Variants in USP15 observed in about 807,000 individuals in gnomAD.
USP15 encodes the protein ubiquitin carboxyl-terminal hydrolase 15.
USP15 carries 18 observed loss-of-function variants against 127.1 expected under a neutral mutation model. The observed-to-expected ratio is 0.14, with a 90% confidence interval of 0.10 to 0.21. The LOEUF is 0.21. Ranked by LOEUF, USP15 falls within the 10% of genes least tolerant of loss-of-function variation. The pLI is 1.00. For missense variants in USP15, 805 were observed against 1,159.9 expected, an observed-to-expected ratio of 0.69 and a Z score of 4.44; for synonymous variants, 364 against 393.7, an observed-to-expected ratio of 0.92 and a Z score of 0.89.
intron 2 of USP15, 139 bp from the exon 3 acceptor site, chr12:62,302,651 C>T: frequency 1.2e-6 from 1 of 805,966 alleles, no homozygotes; most frequent in Non-Finnish European, 1.8e-6. Flanking sequence ...AATTGGACAC[C>T]CCTGATGTAA....
chr12:62,357,294 A>C (rs1015468704), intron 8 of USP15, among the ~76,000 whole-genome samples: 3 of 152,056 alleles, frequency 2.0e-5, no homozygotes, highest in African/African-American at 7.2e-5. Context: ...GGTTAACTGC[A>C]ATTTCTCAGA....
At chr12:62,380,185 T>C (rs1001476617) in intron 8 of USP15, among the ~76,000 whole-genome samples, 10 of 151,894 alleles carry the variant, frequency 6.6e-5, no homozygotes, top group Non-Finnish European at 1.2e-4. Context: ...CCTTTTGCCT[T>C]GAGGTAGGGG....
chr12:62,262,462 G>A (rs774972510), intron 1 of USP15, among the ~76,000 whole-genome samples: 11 of 152,020 alleles, frequency 7.2e-5, no homozygotes, highest in Non-Finnish European at 1.0e-4. Flanking sequence ...AAATCTGTAA[G>A]TCTATAAGTT....
Position 62,327,563 on chromosome 12 carries a change from C to A in USP15, c.683+1630C>A, listed in dbSNP as rs968782976. 2.1e-5 allele frequency: 8 copies of A among 378,378 alleles called. 1 individual carries two copies. The highest frequency in any genetic ancestry group is 5.7e-5 in the South Asian group (3 of 52,546). 23.4% of individuals were successfully genotyped at this position (378,378 alleles called of 1,614,324 possible). On this transcript the variant is annotated intron_variant, in intron 6 of 21. Transcript: ENST00000280377. ...GTTTGTGGATTAATATTAAAAAAAA[C>A]CCATGAGTTCTAAAGATTGAGAAAT...
intron 6 of USP15, among the ~76,000 whole-genome samples, chr12:62,333,303 A>G (rs2065359032): frequency 6.6e-6 from 1 of 152,108 alleles, no homozygotes; most frequent in Admixed American, 6.6e-5. Flanking sequence ...CCTCACTCTC[A>G]TTACCCAGGC....
rs538681065 is a variant in USP15, at chr12:62,388,433, C to T, written c.1474-998C>T. ...CAGGCGTGAGCCACTGGGCCCAGCCCAATGAAGATTTTAAATAGTTATTGA... is the reference window on the plus strand; with the variant it reads ...CAGGCGTGAGCCACTGGGCCCAGCCTAATGAAGATTTTAAATAGTTATTGA... On this transcript the variant is annotated intron_variant, in intron 11 of 21. Transcript: ENST00000280377. 3.3e-5 allele frequency among the ~76,000 whole-genome samples: 5 copies of T among 152,206 alleles called. No homozygotes were observed. The East Asian group carries it at 7.7e-4, about 24-fold the overall frequency.
rs529158767 is a variant in USP15, at chr12:62,411,238, T to A, written c.*6863T>A. 5.3e-5 allele frequency: 8 copies of A among 152,354 alleles called. No individual in the cohort carries two copies. Among genetic ancestry groups the A allele is most frequent in the African/African-American group, 1.9e-4 (8 of 41,574 alleles). 9.4% of individuals were successfully genotyped at this position (152,354 alleles called of 1,614,324 possible). On this transcript the variant is annotated 3_prime_UTR_variant, in exon 22 of 22. Coordinates refer to ENST00000280377, the MANE Select transcript of USP15 (RefSeq NM_001252078.2). ...CAAAGTCTGGAGACAACTCAGATAG[T>A]CACTACATCCTCTTGCTCTTTCTCA...
intron 7 of USP15, among the ~76,000 whole-genome samples, chr12:62,354,741 C>T (rs1451053079): frequency 1.3e-5 from 2 of 151,802 alleles, no homozygotes; most frequent in South Asian, 2.1e-4. Flanking sequence ...GATATACTTG[C>T]GTGGAATCAT....
rs1295319226 is a variant in USP15, at chr12:62,405,586, G to T, written c.*1211G>T. The T allele has an allele frequency of 2.0e-5, 3 of 152,472 alleles. No individual in the cohort carries two copies. Among genetic ancestry groups the T allele is most frequent in the Admixed American group, 2.0e-4 (3 of 15,248 alleles). 9.4% of individuals were successfully genotyped at this position (152,472 alleles called of 1,614,324 possible). A position where few individuals can be genotyped will look rare whatever the true frequency, so the allele number is the denominator to read the frequency against. ...GTGAACATTTGAAACATTTTTATTTGCTGCTTTTTCCCTTTGATATAGTTG... is the reference window on the plus strand; with the variant it reads ...GTGAACATTTGAAACATTTTTATTTTCTGCTTTTTCCCTTTGATATAGTTG... On this transcript the variant is annotated 3_prime_UTR_variant, in exon 22 of 22. Coordinates refer to ENST00000280377, the MANE Select transcript of USP15 (RefSeq NM_001252078.2).
intron 8 of USP15, among the ~76,000 whole-genome samples, chr12:62,367,107 T>C (rs187776833): frequency 3.2e-4 from 48 of 152,328 alleles, no homozygotes; most frequent in Non-Finnish European, 7.4e-5. Context: ...TTGTTTGGAA[T>C]AGTTTCAGCT....
intron 21 of USP15, 104 bp downstream of exon 21, chr12:62,401,379 G>A (rs1433888622): frequency 5.0e-6 from 4 of 807,548 alleles, no homozygotes; most frequent in Admixed American, 6.6e-5. Context: ...CTATATTCTA[G>A]CAGCTTGAGT....
intron 7 of USP15, among the ~76,000 whole-genome samples, chr12:62,354,532 TA>T (rs1464894564): frequency 6.6e-6 from 1 of 151,958 alleles, no homozygotes; most frequent in Non-Finnish European, 1.5e-5. Context: ...TTCACAAAAT[TA>T]TTTTTTATTA....
intron 8 of USP15, among the ~76,000 whole-genome samples, chr12:62,367,270 C>T (rs751792027): frequency 1.6e-4 from 24 of 151,854 alleles, no homozygotes; most frequent in Admixed American, 5.9e-4. Flanking sequence ...CTCACTCTGT[C>T]GCCCAGGCTG....
chr12:62,375,084 G>A (rs1050699891), intron 8 of USP15, among the ~76,000 whole-genome samples: 3 of 152,010 alleles, frequency 2.0e-5, no homozygotes, highest in Non-Finnish European at 2.9e-5. Context: ...GTGTCCATTG[G>A]ATGAGACATT....
At position 62,396,345 on chromosome 12, in the gene USP15, G is replaced by C; in HGVS notation, c.2621G>C (p.Arg874Pro). ...FLINPNAGPC[R>P]YNLIAVSNHY... Reference sequence around the variant, plus strand: ...ATTAATCCAAATGCAGGTCCTTGCCGCTATAATCTGATTGCTGTTTCCAAC... The same window carrying C: ...ATTAATCCAAATGCAGGTCCTTGCCCCTATAATCTGATTGCTGTTTCCAAC... Residue 874 changes from arginine (R) to proline (P), a missense_variant, in exon 20 of 22, where the codon CGC becomes CCC. This residue lies in a region of USP15 where 116 missense variants were observed against 157.2 expected (regional missense o/e 0.74). Transcript: ENST00000280377. The C allele has an allele frequency of 6.2e-7, 1 of 1,607,436 alleles. No individual in the cohort carries two copies. Among genetic ancestry groups the C allele is most frequent in the Non-Finnish European group, 8.5e-7 (1 of 1,177,448 alleles).
At chr12:62,290,073 G>A (rs1446967940) in intron 1 of USP15, among the ~76,000 whole-genome samples, 1 of 152,144 alleles carries the variant, frequency 6.6e-6, no homozygotes, top group Non-Finnish European at 1.5e-5. Flanking sequence ...TGATGAAAAA[G>A]AATGTATATT....
chr12:62,353,870 GT>G (rs1314772958), intron 7 of USP15, among the ~76,000 whole-genome samples: 1 of 151,950 alleles, frequency 6.6e-6, no homozygotes, highest in African/African-American at 2.4e-5. Flanking sequence ...TATTTTTTGT[GT>G]TTTGTTTTAG....
chr12:62,339,320 A>G (rs2065578395), intron 6 of USP15, among the ~76,000 whole-genome samples: 1 of 152,172 alleles, frequency 6.6e-6, no homozygotes, highest in African/African-American at 2.4e-5. Flanking sequence ...TAAATATACA[A>G]TCATGTCATC....
chr12:62,334,205 T>C (rs1188343856), intron 6 of USP15: 1 of 152,218 alleles, frequency 6.6e-6, no homozygotes, highest in Non-Finnish European at 1.5e-5. Context: ...CACTAGAATG[T>C]TATTTTTAAA....
Sources: gnomAD v4.1 joint callset for allele counts (sites outside exome capture counted in the v4.1 genomes callset) on GRCh38, gnomAD v4.1.1 for gene constraint, gnomAD v4.1.1 regional missense constraint, MANE v1.5 for transcripts, NCBI Gene and HGNC (gene_info 2026-07-23, HGNC 2026-07-21) for gene names.